Variants in CTNNB1 observed in about 807,000 individuals in gnomAD.
CTNNB1 encodes the protein catenin beta-1.
Under a neutral mutation model 82.5 loss-of-function variants are expected in CTNNB1, and 6 were observed. The observed-to-expected ratio is 0.07, with a 90% CI of 0.04 to 0.14. The LOEUF is 0.14. Among genes scored for constraint, CTNNB1 ranks in the 10% least tolerant of loss-of-function variants. CTNNB1 has a pLI of 1.00. For missense variants in CTNNB1, 529 were observed against 980.4 expected, an observed-to-expected ratio of 0.54 and a Z score of 6.15; for synonymous variants, 312 against 329.7, an observed-to-expected ratio of 0.95 and a Z score of 0.58.
intron 7 of CTNNB1, 36 bp downstream of exon 7, chr3:41,227,388 G>A (rs2078203114): frequency 6.2e-7 from 1 of 1,607,952 alleles, no homozygotes; most frequent in African/African-American, 1.3e-5. Flanking sequence ...CTTGTGTATA[G>A]CATCTGCAGT....
At chr3:41,203,913 G>A (rs1481433520) in intron 1 of CTNNB1, among the ~76,000 whole-genome samples, 2 of 152,128 alleles carry the variant, frequency 1.3e-5, no homozygotes, top group African/African-American at 4.8e-5. Context: ...ATTTTTCAGG[G>A]TTTAGATTTT....
intron 1 of CTNNB1, among the ~76,000 whole-genome samples, chr3:41,219,434 A>G (rs900190967): frequency 7.9e-5 from 12 of 152,236 alleles, no homozygotes; most frequent in Non-Finnish European, 1.3e-4. Flanking sequence ...ATCAATGACT[A>G]TCAAGGGGCT....
intron 7 of CTNNB1, among the ~76,000 whole-genome samples, chr3:41,228,489 CAT>C (rs1387019720): frequency 2.0e-5 from 3 of 152,168 alleles, no homozygotes; most frequent in Non-Finnish European, 2.9e-5. Flanking sequence ...AGCTTTTCTT[CAT>C]ATGTTTCTTG....
intron 1 of CTNNB1, among the ~76,000 whole-genome samples, chr3:41,220,378 A>ACACACC (rs771827410): frequency 1.8e-4 from 26 of 145,852 alleles, no homozygotes; most frequent in East Asian, 1.4e-3. Flanking sequence ...TTGAGAACAC[A>ACACACC]CACACCCACA....
rs1167265189 is a variant in CTNNB1 at position 41,239,101 on chromosome 3, T to C, written c.2138-33T>C. ...TCTCCTCTCTCTTTTGCCTTCCTTC[T>C]TGCCTATTTTGTTGACACCCTGACT... On this transcript the variant is annotated intron_variant, in intron 14 of 14. Transcript: ENST00000349496. 3 of 1,571,098 alleles carry C rather than the reference T, an allele frequency of 1.9e-6. No homozygotes were observed. The African/African-American group carries it at 4.0e-5, about 21-fold the overall frequency.
intron 7 of CTNNB1, among the ~76,000 whole-genome samples, chr3:41,229,070 G>T (rs1480420171): frequency 6.6e-6 from 1 of 152,110 alleles, no homozygotes; most frequent in Non-Finnish European, 1.5e-5. Flanking sequence ...CTCTGTGTCT[G>T]TTTGTATACC....
At chr3:41,215,213 TAAAAAAA>T (rs10576683) in intron 1 of CTNNB1, among the ~76,000 whole-genome samples, 2 of 76,168 alleles carry the variant, frequency 2.6e-5, no homozygotes, top group African/African-American at 5.2e-5. Flanking sequence ...CTGTCTCCAT[TAAAAAAA>T]AAAAAAAAAA....
At chr3:41,234,328 A>G in intron 10 of CTNNB1, 31 bp downstream of exon 10, 1 of 1,612,048 alleles carries the variant, frequency 6.2e-7, no homozygotes, top group Non-Finnish European at 8.5e-7. Context: ...ATACCTGGCT[A>G]TCTAAAAGGA....
chr3:41,207,241 A>T (rs1194492082), intron 1 of CTNNB1, among the ~76,000 whole-genome samples: 1 of 152,206 alleles, frequency 6.6e-6, no homozygotes, highest in African/African-American at 2.4e-5. Context: ...AGAGTAATTA[A>T]TTATGGTTAA....
chr3:41,239,084 CTCTT>C, intron 14 of CTNNB1, 46 bp from the exon 15 acceptor site: 5 of 1,474,244 alleles, frequency 3.4e-6, no homozygotes, highest in Non-Finnish European at 4.7e-6. Flanking sequence ...TCTCTCCTCT[CTCTT>C]TTGCCTTCCT....
intron 1 of CTNNB1, among the ~76,000 whole-genome samples, chr3:41,201,122 A>AT: frequency 6.6e-6 from 1 of 152,178 alleles, no homozygotes; most frequent in Non-Finnish European, 1.5e-5. Flanking sequence ...CCATTTCAGT[A>AT]TTTGTCACTT....
At chr3:41,215,973 T>C (rs2077908485) in intron 1 of CTNNB1, among the ~76,000 whole-genome samples, 1 of 152,202 alleles carries the variant, frequency 6.6e-6, no homozygotes, top group African/African-American at 2.4e-5. Flanking sequence ...AACCCCTGTC[T>C]TTCATTTATC....
At chr3:41,231,817 C>G (rs958934084) in intron 7 of CTNNB1, among the ~76,000 whole-genome samples, 3 of 152,064 alleles carry the variant, frequency 2.0e-5, no homozygotes, top group Non-Finnish European at 4.4e-5. Context: ...TAGCAAAGGG[C>G]AGATGTCTGA....
intron 1 of CTNNB1, among the ~76,000 whole-genome samples, chr3:41,204,662 C>T (rs2077609415): frequency 6.6e-6 from 1 of 152,180 alleles, no homozygotes; most frequent in African/African-American, 2.4e-5. Flanking sequence ...GTGGGAAATC[C>T]AGATCAATGT....
In CTNNB1 at chr3:41,227,194, A is replaced by G. The variant is rs936265946; in HGVS notation, c.937-14A>G. On this transcript the variant is annotated splice_polypyrimidine_tract_variant and intron_variant, in intron 6 of 14. Transcript: ENST00000349496. ...ATTCCTTGACTAACAAGATATATAT[A>G]TATATCTTTCTAGCTCATCATACTG... 3.1e-6 allele frequency: 5 copies of G among 1,594,836 alleles called. No homozygotes were observed. Among genetic ancestry groups the G allele is most frequent in the East Asian group, 2.2e-5 (1 of 44,774 alleles).
At chr3:41,238,869 A>G (rs904099955) in intron 14 of CTNNB1, among the ~76,000 whole-genome samples, 2 of 152,218 alleles carry the variant, frequency 1.3e-5, no homozygotes, top group African/African-American at 4.8e-5. Context: ...GTTCAGGGTT[A>G]GACTAATGAT....
chr3:41,206,488 A>G (rs2077651860), intron 1 of CTNNB1, among the ~76,000 whole-genome samples: 5 of 152,174 alleles, frequency 3.3e-5, no homozygotes, highest in South Asian at 2.1e-4. Context: ...ATTTACTGCA[A>G]AATTTCTTGG....
At chr3:41,214,270 A>G (rs1672274289) in intron 1 of CTNNB1, among the ~76,000 whole-genome samples, 2 of 152,058 alleles carry the variant, frequency 1.3e-5, no homozygotes, top group South Asian at 4.2e-4. Context: ...CTGATAGAGA[A>G]CCTCTTGGCC....
At chr3:41,214,264 T>C (rs969411772) in intron 1 of CTNNB1, among the ~76,000 whole-genome samples, 15 of 152,152 alleles carry the variant, frequency 9.9e-5, no homozygotes, top group Admixed American at 9.2e-4. Context: ...GCCCCTCTGA[T>C]AGAGAACCTC....
Sources: allele counts gnomAD v4.1 joint callset (sites outside exome capture counted in the v4.1 genomes callset), GRCh38; gene constraint gnomAD v4.1.1; transcripts MANE v1.5; gene names NCBI Gene and HGNC (gene_info 2026-07-23, HGNC 2026-07-21).